The following ST7 variants were observed in gnomAD, a reference collection of about 807,000 sequenced individuals.
The protein encoded by ST7 is suppressor of tumorigenicity 7 protein.
A neutral mutation model predicts 78.7 loss-of-function variants in ST7; 28 were observed. The ratio of observed to expected loss-of-function variants is 0.36; its 90% CI spans 0.26 to 0.49. ST7 has a LOEUF of 0.49. Ranked by LOEUF, ST7 falls within the 20% of genes least tolerant of loss-of-function variation. ST7 has a pLI of 0.99. For synonymous variants in ST7, 247 were observed against 249.6 expected, an observed-to-expected ratio of 0.99 and a Z score of 0.10; for missense variants, 418 against 696.0, an observed-to-expected ratio of 0.60 and a Z score of 4.49.
chr7:117,064,088 T>A (rs1798500268), intron 1 of ST7, among the ~76,000 whole-genome samples: 1 of 152,196 alleles, frequency 6.6e-6, no homozygotes, highest in African/African-American at 2.4e-5. Flanking sequence ...TTATTACCTT[T>A]GGTTTTTTTA....
At position 117,190,826 on chromosome 7, in the gene ST7, C is replaced by T; in HGVS notation, c.1152-8C>T. The T allele has an allele frequency of 6.2e-7, 1 of 1,613,190 alleles. No homozygotes were observed. Among genetic ancestry groups the T allele is most frequent in the African/African-American group, 1.3e-5 (1 of 74,982 alleles). ...CACCTGGATGGTTTTTGTCTTTCTG[C>T]TTTTCAGATTCTCTCCTGAGGCTGC... On this transcript the variant is annotated splice_polypyrimidine_tract_variant and splice_region_variant and intron_variant, in intron 11 of 15. Coordinates refer to ENST00000323984, the MANE Select transcript of ST7 (RefSeq NM_001369598.1). The surrounding 1 kb of genome is among the most constrained non-coding windows in gnomAD (Gnocchi z 5.2).
In ST7 at chr7:117,206,089, A is replaced by G. The variant is rs3808200; in HGVS notation, c.1255-3698A>G. ...AGCCATTTTAAGCCTGGCCAAAAACATAACACATTGTTGTTATTAGCCTTC... is the reference window on the plus strand; with the variant it reads ...AGCCATTTTAAGCCTGGCCAAAAACGTAACACATTGTTGTTATTAGCCTTC... On this transcript the variant is annotated intron_variant, in intron 12 of 15. Coordinates refer to ENST00000323984, the MANE Select transcript of ST7 (RefSeq NM_001369598.1). 1.4e-4 allele frequency among the ~76,000 whole-genome samples: 21 copies of G among 152,366 alleles called. 1 individual carries two copies. In the East Asian group the frequency reaches 3.9e-3, roughly 28 times the overall value.
chr7:117,096,200 A>G (rs1472789160), intron 1 of ST7, among the ~76,000 whole-genome samples: 1 of 151,976 alleles, frequency 6.6e-6, no homozygotes, highest in East Asian at 1.9e-4. Flanking sequence ...TTTCAAAAAT[A>G]ATTGCTAATG....
At chr7:117,188,540 C>A (rs972643820) in intron 10 of ST7, among the ~76,000 whole-genome samples, 3 of 152,172 alleles carry the variant, frequency 2.0e-5, no homozygotes, top group African/African-American at 7.2e-5. Context: ...CTCACTTGTA[C>A]CCTGTGCTTT....
intron 1 of ST7, among the ~76,000 whole-genome samples, chr7:117,083,442 G>A (rs541848980): frequency 2.0e-5 from 3 of 152,004 alleles, no homozygotes; most frequent in Admixed American, 6.6e-5. Context: ...ATTTTTAGTA[G>A]GGATGGGGTT....
chr7:117,050,481 G>A (rs892533015), intron 1 of ST7, among the ~76,000 whole-genome samples: 1 of 152,186 alleles, frequency 6.6e-6, no homozygotes, highest in Non-Finnish European at 1.5e-5. Flanking sequence ...CATTTCTCCT[G>A]ACTGCGGATG....
intron 1 of ST7, among the ~76,000 whole-genome samples, chr7:117,032,714 A>G (rs894901882): frequency 6.6e-6 from 1 of 152,240 alleles, no homozygotes; most frequent in Non-Finnish European, 1.5e-5. Context: ...GTATGTGCAT[A>G]ATAGATATGA....
intron 2 of ST7, among the ~76,000 whole-genome samples, chr7:117,105,274 C>T (rs1476332353): frequency 6.6e-6 from 1 of 152,144 alleles, no homozygotes; most frequent in Non-Finnish European, 1.5e-5. Flanking sequence ...AAAAGTGGAT[C>T]TCAAAGATAC....
intron 2 of ST7, among the ~76,000 whole-genome samples, chr7:117,111,484 CAATT>C (rs1179698753): frequency 6.6e-6 from 1 of 152,118 alleles, no homozygotes; most frequent in Non-Finnish European, 1.5e-5. Flanking sequence ...AAGAAAAAGT[CAATT>C]AACTGAACAG....
chr7:117,194,757 C>A (rs929570068), intron 12 of ST7, among the ~76,000 whole-genome samples: 1 of 152,172 alleles, frequency 6.6e-6, no homozygotes, highest in Non-Finnish European at 1.5e-5. Flanking sequence ...CTTCTTTCTG[C>A]AGATATGCTG....
chr7:116,967,191 G>T, intron 1 of ST7: 1 of 337,980 alleles, frequency 3.0e-6, no homozygotes, highest in Non-Finnish European at 6.6e-6. Context: ...TGTTCTCCTA[G>T]ATGTGTAGGA....
intron 1 of ST7, among the ~76,000 whole-genome samples, chr7:117,039,723 G>A (rs1047128293): frequency 6.6e-6 from 1 of 151,966 alleles, no homozygotes; most frequent in East Asian, 1.9e-4. Flanking sequence ...TTTATGTTAA[G>A]GTGGCTGAAA....
At chr7:117,131,230 T>C (rs1210503540) in intron 5 of ST7, among the ~76,000 whole-genome samples, 1 of 151,820 alleles carries the variant, frequency 6.6e-6, no homozygotes, top group Non-Finnish European at 1.5e-5. Flanking sequence ...ATTTATAAAA[T>C]ACAAATTTAT....
intron 1 of ST7, among the ~76,000 whole-genome samples, chr7:117,006,564 G>C (rs1418614457): frequency 6.6e-6 from 1 of 152,186 alleles, no homozygotes; most frequent in Non-Finnish European, 1.5e-5. Context: ...TTCAACAAAT[G>C]TAAGAACAGA....
At chr7:116,967,369 T>A in intron 1 of ST7, 1 of 471,266 alleles carries the variant, frequency 2.1e-6, no homozygotes, top group Non-Finnish European at 4.4e-6. Context: ...TGGCTCCTGG[T>A]GCTTAGGACT....
rs781519197 is a variant in ST7 at position 117,170,994 on chromosome 7, T to A, written c.1078+18T>A. 1 of 1,506,854 alleles carries A rather than the reference T, an allele frequency of 6.6e-7. No individual in the cohort carries two copies. Among genetic ancestry groups the A allele is most frequent in the Non-Finnish European group, 9.1e-7 (1 of 1,095,186 alleles). The allele number at this position is 1,506,854 out of a possible 1,614,324, so 93.3% of individuals were successfully genotyped here. A position where few individuals can be genotyped will look rare whatever the true frequency, so the allele number is the denominator to read the frequency against. Reference sequence around the variant, plus strand: ...GTATGATGGTAAGTTCTTGGGTATTTTTATTTACTTGACTATTCCTCTTTT... The same window carrying A: ...GTATGATGGTAAGTTCTTGGGTATTATTATTTACTTGACTATTCCTCTTTT... On this transcript the variant is annotated intron_variant, in intron 10 of 15. Coordinates refer to ENST00000323984, the MANE Select transcript of ST7 (RefSeq NM_001369598.1).
At chr7:117,016,082 C>CT (rs563216976) in intron 1 of ST7, among the ~76,000 whole-genome samples, 62 of 152,216 alleles carry the variant, frequency 4.1e-4, no homozygotes, top group South Asian at 8.3e-4. Flanking sequence ...GTGGTAGATA[C>CT]TTTTTGAAGA....
intron 1 of ST7, among the ~76,000 whole-genome samples, chr7:116,976,448 T>C (rs1412326166): frequency 6.6e-6 from 1 of 152,132 alleles, no homozygotes; most frequent in Non-Finnish European, 1.5e-5. Context: ...TGAGGTTGGG[T>C]TCAGGTCTGC....
chr7:117,032,145 G>A (rs1796633961), intron 1 of ST7, among the ~76,000 whole-genome samples: 2 of 151,908 alleles, frequency 1.3e-5, no homozygotes, highest in South Asian at 4.2e-4. Context: ...GCCTCCCAAA[G>A]TGCTGGGATT....
Sources: gnomAD v4.1 joint callset for allele counts (sites outside exome capture counted in the v4.1 genomes callset) on GRCh38, gnomAD v4.1.1 for gene constraint, Gnocchi (gnomAD v3.1) non-coding constraint, MANE v1.5 for transcripts, NCBI Gene and HGNC (gene_info 2026-07-23, HGNC 2026-07-21) for gene names.